The following QTMAN variants were observed in gnomAD, a reference collection of about 807,000 sequenced individuals.
The protein encoded by QTMAN is queuosine-tRNA mannosyltransferase, also known as tRNA-queuosine alpha-mannosyltransferase.
At chr2:143,944,044 A>C in the QTMAN span, 2 of 152,232 alleles carry the variant, frequency 1.3e-5, 1 homozygote, top group Non-Finnish European at 2.9e-5. Flanking sequence ...GTTAAAAAAA[A>C]AGAGGAAGAC....
chr2:143,978,757 T>TC, the QTMAN span, among the ~76,000 whole-genome samples: 1 of 152,242 alleles, frequency 6.6e-6, no homozygotes, highest in Non-Finnish European at 1.5e-5. Flanking sequence ...CTCTCCAAGT[T>TC]CATTATTAAG....
chr2:144,131,669 T>C, the QTMAN span, among the ~76,000 whole-genome samples: 25 of 151,900 alleles, frequency 1.6e-4, no homozygotes, highest in Admixed American at 1.4e-3. Flanking sequence ...TTCACAATTC[T>C]GTGTACCTAT....
chr2:144,205,763 T>A, the QTMAN span, among the ~76,000 whole-genome samples: 1 of 152,152 alleles, frequency 6.6e-6, no homozygotes, highest in South Asian at 2.1e-4. Flanking sequence ...GATACCTAGT[T>A]TAGGGTGCAG....
the QTMAN span, among the ~76,000 whole-genome samples, chr2:144,169,858 A>C: frequency 6.6e-6 from 1 of 152,092 alleles, no homozygotes; most frequent in African/African-American, 2.4e-5. Flanking sequence ...TTCTTATAAA[A>C]GTAATGTATT....
At chr2:144,243,015 A>C in the QTMAN span, among the ~76,000 whole-genome samples, 1 of 151,374 alleles carries the variant, frequency 6.6e-6, no homozygotes, top group Non-Finnish European at 1.5e-5. Flanking sequence ...CCGTACTAGC[A>C]TCATAATCAT....
the QTMAN span, among the ~76,000 whole-genome samples, chr2:144,172,623 A>G: frequency 1.4e-4 from 16 of 118,356 alleles, no homozygotes; most frequent in East Asian, 2.7e-3. Context: ...GACTCTGTCA[A>G]AAAAAAAAAA....
chr2:143,999,796 C>A, the QTMAN span, among the ~76,000 whole-genome samples: 3 of 152,074 alleles, frequency 2.0e-5, no homozygotes, highest in African/African-American at 7.2e-5. Flanking sequence ...AATGAAACAG[C>A]GTCTTTTGCA....
chr2:144,196,253 T>A, the QTMAN span, among the ~76,000 whole-genome samples: 1 of 151,308 alleles, frequency 6.6e-6, no homozygotes, highest in Non-Finnish European at 1.5e-5. Context: ...ACACGAAATA[T>A]ATATATAATA....
the QTMAN span, among the ~76,000 whole-genome samples, chr2:144,168,055 A>T: frequency 6.6e-6 from 1 of 152,198 alleles, no homozygotes; most frequent in Non-Finnish European, 1.5e-5. Context: ...ATTAATGCCA[A>T]ATCCTTACGG....
the QTMAN span, among the ~76,000 whole-genome samples, chr2:144,046,760 TC>T: frequency 6.6e-6 from 1 of 152,342 alleles, no homozygotes; most frequent in East Asian, 1.9e-4. Context: ...TCTTTACATT[TC>T]TAACAAAATA....
chr2:144,176,521 G>C, the QTMAN span, among the ~76,000 whole-genome samples: 1 of 151,714 alleles, frequency 6.6e-6, no homozygotes, highest in African/African-American at 2.4e-5. Context: ...AAAAACCAAA[G>C]GTATAAAAAC....
the QTMAN span, among the ~76,000 whole-genome samples, chr2:144,075,942 A>G: frequency 6.6e-6 from 1 of 152,208 alleles, no homozygotes; most frequent in African/African-American, 2.4e-5. Flanking sequence ...CAAATAATGC[A>G]CTGTTCAATT....
At chr2:144,325,198 G>C in the QTMAN span, among the ~76,000 whole-genome samples, 1 of 152,112 alleles carries the variant, frequency 6.6e-6, no homozygotes, top group African/African-American at 2.4e-5. Context: ...CAACTTTTAG[G>C]AATTATAAAC....
chr2:144,036,201 T>C, the QTMAN span, among the ~76,000 whole-genome samples: 1 of 152,218 alleles, frequency 6.6e-6, no homozygotes, highest in African/African-American at 2.4e-5. Context: ...ATTGTAATAT[T>C]ATGTTTCCCT....
the QTMAN span, among the ~76,000 whole-genome samples, chr2:144,287,880 G>A: frequency 6.6e-6 from 1 of 151,710 alleles, no homozygotes; most frequent in Admixed American, 6.6e-5. Context: ...CTTTGACATG[G>A]AGTCTCGCTC....
chr2:144,120,173 G>T, the QTMAN span, among the ~76,000 whole-genome samples: 16 of 152,294 alleles, frequency 1.1e-4, 1 homozygote, highest in South Asian at 3.3e-3. Flanking sequence ...TGATCTAAAA[G>T]TTGTGAAAAA....
the QTMAN span, chr2:144,141,804 G>C: frequency 9.4e-7 from 1 of 1,066,748 alleles, no homozygotes. Flanking sequence ...GTTAAAACTG[G>C]CATGAAGAAC....
the QTMAN span, among the ~76,000 whole-genome samples, chr2:144,268,256 T>A: frequency 2.0e-5 from 3 of 152,160 alleles, no homozygotes; most frequent in African/African-American, 7.2e-5. Context: ...GAATGGTAGT[T>A]CCCTGAAGCC....
chr2:143,992,969 A>G, the QTMAN span, among the ~76,000 whole-genome samples: 1 of 152,226 alleles, frequency 6.6e-6, no homozygotes, highest in Non-Finnish European at 1.5e-5. Context: ...GATATTAACA[A>G]CAACAACAAC....
Sources: allele counts gnomAD v4.1 joint callset (sites outside exome capture counted in the v4.1 genomes callset), GRCh38; gene constraint gnomAD v4.1.1; transcripts MANE v1.5; gene names NCBI Gene and HGNC (gene_info 2026-07-23, HGNC 2026-07-21).